KCNQ1: variants seen among roughly 807,000 people sequenced by gnomAD.
KCNQ1 encodes potassium voltage-gated channel subfamily KQT member 1.
In KCNQ1, 49 loss-of-function variants were observed where a neutral mutation model predicts 72.4. The ratio of observed to expected loss-of-function variants is 0.68; its 90% CI spans 0.54 to 0.86. KCNQ1 has a LOEUF of 0.86. KCNQ1 is among the 40% of genes least tolerant of loss of function. The pLI, the probability that KCNQ1 is intolerant of heterozygous loss-of-function variation, is 0.00. For synonymous variants in KCNQ1, 450 were observed against 412.6 expected (o/e 1.09, Z -1.10); for missense variants, 790 against 945.1 (o/e 0.84, Z 2.15).
rs947901393 is a variant in KCNQ1 at position 2,734,039 on chromosome 11, C to T, written c.1515-34805C>T. On this transcript the variant is annotated intron_variant, in intron 11 of 15. Transcript: ENST00000155840. This position sits in a 1 kb window ranked among gnomAD's most constrained non-coding sequence, Gnocchi z 7.0. ...CGCGCTCTAAATCAGGACCACCTTG[C>T]GGTTCTCCCAGCCCCAGCCTTGCCT... 1.2e-4 allele frequency among the ~76,000 whole-genome samples: 19 copies of T among 152,072 alleles called. No homozygotes were observed. Among genetic ancestry groups the T allele is most frequent in the Non-Finnish European group, 1.6e-4 (11 of 68,006 alleles).
At chr11:2,510,822 C>T (rs1291188165) in intron 1 of KCNQ1, among the ~76,000 whole-genome samples, 2 of 152,182 alleles carry the variant, frequency 1.3e-5, no homozygotes, top group East Asian at 1.9e-4. Context: ...CGTGGCCTTC[C>T]TCCGATCACA....
In KCNQ1 at chr11:2,589,362, G is replaced by A. The variant is rs528056661; in HGVS notation, c.1393+508G>A. ...CCCCGAGTCTGTGCGTGATGGTGTG[G>A]CTCGGATCTGCGTCCCTCCTCTCAC... On this transcript the variant is annotated intron_variant, in intron 10 of 15. Coordinates refer to ENST00000155840, the MANE Select transcript of KCNQ1 (RefSeq NM_000218.3). Among the ~76,000 whole-genome samples the A allele has an allele frequency of 1.4e-4, 22 of 152,328 alleles. 1 individual carries two copies. The highest frequency in any genetic ancestry group is 2.8e-4 in the Non-Finnish European group (19 of 68,022).
rs74046910 is a variant in KCNQ1, at chr11:2,827,773, C to T, written c.1795-19994C>T. On this transcript the variant is annotated intron_variant, in intron 15 of 15. Coordinates refer to ENST00000155840, the MANE Select transcript of KCNQ1 (RefSeq NM_000218.3). The surrounding 1 kb of genome is among the most constrained non-coding windows in gnomAD (Gnocchi z 6.7). ...GCGCTTGAGGGAGGAAATGGGGGTA[C>T]ACTTCAGCGGCTCAGGCCAGGGTGT... 3.1e-3 allele frequency among the ~76,000 whole-genome samples: 472 copies of T among 152,214 alleles called. 1 individual carries two copies. The highest frequency in any genetic ancestry group is 0.011 in the African/African-American group (459 of 41,524).
In KCNQ1 at chr11:2,623,312, G is replaced by T; in HGVS notation, c.1393+34458G>T. The T allele has an allele frequency of 2.5e-6, 1 of 398,688 alleles. No individual in the cohort carries two copies. The highest frequency in any genetic ancestry group is 1.3e-4 in the South Asian group (1 of 7,846). 24.7% of individuals were successfully genotyped at this position (398,688 alleles called of 1,614,324 possible). ...CTCAGGTAGTTCTTTATAGCACTGT[G>T]AGAACGGACTAATATGCATGTATCT... On this transcript the variant is annotated intron_variant, in intron 10 of 15. Transcript: ENST00000155840. The surrounding 1 kb of genome is among the most constrained non-coding windows in gnomAD (Gnocchi z 5.2).
chr11:2,766,063 T>C lies in KCNQ1; in HGVS notation c.1515-2781T>C, dbSNP rs1468504547. Among the ~76,000 whole-genome samples, 2 of 152,228 alleles carry C rather than the reference T, an allele frequency of 1.3e-5. No homozygotes were observed. The highest frequency in any genetic ancestry group is 4.8e-5 in the African/African-American group (2 of 41,458). On this transcript the variant is annotated intron_variant, in intron 11 of 15. Coordinates refer to ENST00000155840, the MANE Select transcript of KCNQ1 (RefSeq NM_000218.3). The surrounding 1 kb of genome is among the most constrained non-coding windows in gnomAD (Gnocchi z 4.4). ...TCGTCCCTGCTATCCAACTCACCTATTGCATTCTTCATTTCCATTATGGTC... is the reference window on the plus strand; with the variant it reads ...TCGTCCCTGCTATCCAACTCACCTACTGCATTCTTCATTTCCATTATGGTC...
At chr11:2,684,179 A>G in intron 11 of KCNQ1, 1 of 398,648 alleles carries the variant, frequency 2.5e-6, no homozygotes, top group Non-Finnish European at 4.4e-6. Flanking sequence ...AGAAGCGCCC[A>G]CTGGGGCTTG....
At chr11:2,558,774 C>A (rs940778912) in intron 2 of KCNQ1, among the ~76,000 whole-genome samples, 2 of 152,166 alleles carry the variant, frequency 1.3e-5, no homozygotes, top group African/African-American at 4.8e-5. Flanking sequence ...CTGAGAGGCC[C>A]CACTCTCCTC....
At chr11:2,582,077 G>A (rs1040399388) in intron 6 of KCNQ1, among the ~76,000 whole-genome samples, 22 of 152,212 alleles carry the variant, frequency 1.4e-4, no homozygotes, top group African/African-American at 3.9e-4. Context: ...GTGGCCTGGC[G>A]GCGGTGGCTG....
chr11:2,751,350 G>A (rs989116024), intron 11 of KCNQ1, among the ~76,000 whole-genome samples: 2 of 152,220 alleles, frequency 1.3e-5, no homozygotes, highest in Non-Finnish European at 2.9e-5. Flanking sequence ...AGCAGAAACG[G>A]ACGCCAGCGT....
intron 11 of KCNQ1, among the ~76,000 whole-genome samples, chr11:2,718,677 T>C (rs1018270130): frequency 8.5e-5 from 13 of 152,222 alleles, no homozygotes; most frequent in Non-Finnish European, 1.6e-4. Context: ...TGACCTGGGC[T>C]AGGGCCACTT....
rs2133767334 is a variant in KCNQ1 at position 2,593,190 on chromosome 11, C to T, written c.1393+4336C>T. On this transcript the variant is annotated intron_variant, in intron 10 of 15. Coordinates refer to ENST00000155840, the MANE Select transcript of KCNQ1 (RefSeq NM_000218.3). The surrounding 1 kb of genome is among the most constrained non-coding windows in gnomAD (Gnocchi z 6.9). ...CTGTGCCACCAGGGTTTTGTCTTGA[C>T]AAAGGGACTGGAGGCAGGTTGTCAG... 6.6e-6 allele frequency among the ~76,000 whole-genome samples: 1 copy of T among 152,318 alleles called. No homozygotes were observed. The highest frequency in any genetic ancestry group is 1.9e-4 in the East Asian group (1 of 5,176).
At chr11:2,554,908 C>T (rs1027737950) in intron 2 of KCNQ1, among the ~76,000 whole-genome samples, 6 of 152,202 alleles carry the variant, frequency 3.9e-5, no homozygotes, top group Admixed American at 2.0e-4. Context: ...TTAAATTCAC[C>T]GCCTGTTATT....
intron 11 of KCNQ1, among the ~76,000 whole-genome samples, chr11:2,727,990 C>A (rs750462428): frequency 2.6e-5 from 4 of 152,136 alleles, no homozygotes; most frequent in Non-Finnish European, 5.9e-5. Flanking sequence ...TCTTACCCTG[C>A]GTGAGGTTCA....
intron 15 of KCNQ1, among the ~76,000 whole-genome samples, chr11:2,814,195 T>C (rs1452725549): frequency 1.4e-5 from 2 of 139,220 alleles, no homozygotes; most frequent in African/African-American, 5.5e-5. Context: ...GGGGGGTAGA[T>C]GGAGAGATGC....
chr11:2,680,109 C>A, intron 11 of KCNQ1: 1 of 395,172 alleles, frequency 2.5e-6, no homozygotes, highest in South Asian at 1.4e-4. Flanking sequence ...CCAGGCTGGT[C>A]TCAAACTCCT....
chr11:2,605,990 C>T (rs1848872531), intron 10 of KCNQ1, among the ~76,000 whole-genome samples: 1 of 152,126 alleles, frequency 6.6e-6, no homozygotes, highest in Non-Finnish European at 1.5e-5. Flanking sequence ...AAGTTTTGTA[C>T]TTGTTAAACT....
chr11:2,558,660 G>A (rs763938707), intron 2 of KCNQ1, among the ~76,000 whole-genome samples: 19 of 152,218 alleles, frequency 1.2e-4, no homozygotes, highest in African/African-American at 2.2e-4. Context: ...CTTGCGCAGC[G>A]AGCTGGGTCC....
rs373893036 is a variant in KCNQ1, at chr11:2,766,672, T to C, written c.1515-2172T>C. ...AATTCACTCACCCCCCTCCCGACGA[T>C]ACCTAAAATTCTCACCCAATTACAT... On this transcript the variant is annotated intron_variant, in intron 11 of 15. Transcript: ENST00000155840. The surrounding 1 kb of genome is among the most constrained non-coding windows in gnomAD (Gnocchi z 4.4). Among the ~76,000 whole-genome samples, 127 of 152,298 alleles carry C rather than the reference T, an allele frequency of 8.3e-4. No homozygotes were observed. The highest frequency in any genetic ancestry group is 3.4e-3 in the Middle Eastern group (1 of 294).
At chr11:2,702,293 A>C (rs1850828977) in intron 11 of KCNQ1, among the ~76,000 whole-genome samples, 1 of 152,222 alleles carries the variant, frequency 6.6e-6, no homozygotes, top group South Asian at 2.1e-4. Flanking sequence ...TGTTAGCTGC[A>C]TCAGATGGAG....
Sources: allele counts gnomAD v4.1 joint callset (sites outside exome capture counted in the v4.1 genomes callset), GRCh38; gene constraint gnomAD v4.1.1; non-coding constraint Gnocchi (gnomAD v3.1); transcripts MANE v1.5; gene names NCBI Gene and HGNC (gene_info 2026-07-23, HGNC 2026-07-21).